Variants in NKD1 observed in about 807,000 individuals in gnomAD.
NKD1 encodes the protein protein naked cuticle homolog 1.
NKD1 carries 21 observed loss-of-function variants against 56.0 expected under a neutral mutation model. That is an observed-to-expected ratio of 0.38 (90% CI 0.27 to 0.54). The LOEUF is 0.54. NKD1 is among the 20% of genes least tolerant of loss of function. The pLI, the probability that NKD1 is intolerant of heterozygous loss-of-function variation, is 0.82. For missense variants in NKD1, 578 were observed against 642.7 expected (o/e 0.90, Z 1.09); for synonymous variants, 263 against 265.7 (o/e 0.99, Z 0.10).
intron 3 of NKD1, among the ~76,000 whole-genome samples, chr16:50,562,761 G>A (rs569157800): frequency 1.3e-5 from 2 of 152,066 alleles, no homozygotes; most frequent in South Asian, 2.1e-4. Context: ...GAGGGATGAG[G>A]GGGGAGGAGG....
chr16:50,590,178 A>T (rs1861316), intron 3 of NKD1, among the ~76,000 whole-genome samples: 10,984 of 152,050 alleles, frequency 0.072, 591 homozygotes, highest in African/African-American at 0.15. Context: ...ACTATAGGTG[A>T]CCTCTCCTGC....
intron 3 of NKD1, among the ~76,000 whole-genome samples, chr16:50,590,951 G>T (rs1034509878): frequency 3.3e-5 from 5 of 152,006 alleles, no homozygotes; most frequent in Non-Finnish European, 7.4e-5. Flanking sequence ...CTGAGTAGCT[G>T]GTAGCTGGGA....
At chr16:50,611,607 C>T (rs771242007) in intron 4 of NKD1, among the ~76,000 whole-genome samples, 5 of 152,202 alleles carry the variant, frequency 3.3e-5, no homozygotes, top group Admixed American at 6.5e-5. Flanking sequence ...AGACTGAGGC[C>T]TGGTGGGGGC....
intron 3 of NKD1, among the ~76,000 whole-genome samples, chr16:50,584,362 TG>T (rs1321324079): frequency 8.5e-5 from 13 of 152,202 alleles, no homozygotes; most frequent in African/African-American, 3.1e-4. Context: ...AGTCTCAGTG[TG>T]GGAGGGCTCC....
chr16:50,586,344 G>A (rs1033372255), intron 3 of NKD1, among the ~76,000 whole-genome samples: 4 of 139,726 alleles, frequency 2.9e-5, no homozygotes, highest in Admixed American at 7.4e-5. Flanking sequence ...TTGAGAAAGC[G>A]TGGATCACTG....
intron 3 of NKD1, among the ~76,000 whole-genome samples, chr16:50,599,742 A>T (rs1014663963): frequency 3.3e-5 from 5 of 152,192 alleles, no homozygotes; most frequent in Admixed American, 2.6e-4. Context: ...TTGTGGTCAG[A>T]CAAACAGCAA....
chr16:50,569,877 G>A (rs149029109), intron 3 of NKD1, among the ~76,000 whole-genome samples: 4 of 152,262 alleles, frequency 2.6e-5, no homozygotes, highest in East Asian at 3.9e-4. Context: ...AGGAAGTCCC[G>A]CATAGGTGGA....
At chr16:50,582,295 G>A (rs1451539331) in intron 3 of NKD1, among the ~76,000 whole-genome samples, 1 of 152,154 alleles carries the variant, frequency 6.6e-6, no homozygotes, top group African/African-American at 2.4e-5. Flanking sequence ...AGTCCCTCAG[G>A]TCTGTGCCTA....
intron 4 of NKD1, among the ~76,000 whole-genome samples, chr16:50,618,947 G>A (rs941512102): frequency 6.6e-6 from 1 of 152,242 alleles, no homozygotes; most frequent in African/African-American, 2.4e-5. Context: ...CAGGCTGTCC[G>A]TGCACGGTGG....
Position 50,640,274 on chromosome 16 carries a change from ACAT to A in NKD1, c.*6497_*6499del, listed in dbSNP as rs1309329864. 6.6e-6 allele frequency: 1 copy of A among 152,206 alleles called. No homozygotes were observed. The highest frequency in any genetic ancestry group is 1.5e-5 in the Non-Finnish European group (1 of 68,048). The allele number at this position is 152,206 out of a possible 1,614,324, so 9.4% of individuals were successfully genotyped here. A position where few individuals can be genotyped will look rare whatever the true frequency, so the allele number is the denominator to read the frequency against. On this transcript the variant is annotated 3_prime_UTR_variant, in exon 10 of 10. Coordinates refer to ENST00000268459, the MANE Select transcript of NKD1 (RefSeq NM_033119.5). ...CCTTCAGGGGCCCTAAGCACTGAAAACATCATTCCTCATCCCCAAGCCCTGGCA... is the reference window on the plus strand; with the variant it reads ...CCTTCAGGGGCCCTAAGCACTGAAAACATTCCTCATCCCCAAGCCCTGGCA...
At chr16:50,585,401 G>A (rs768892900) in intron 3 of NKD1, among the ~76,000 whole-genome samples, 17 of 152,210 alleles carry the variant, frequency 1.1e-4, no homozygotes, top group African/African-American at 4.1e-4. Context: ...GCATGGAGAC[G>A]TGAACCCTGC....
chr16:50,618,319 G>A (rs1281955874), intron 4 of NKD1, among the ~76,000 whole-genome samples: 1 of 152,134 alleles, frequency 6.6e-6, no homozygotes, highest in Non-Finnish European at 1.5e-5. Flanking sequence ...ATCAGAGGCA[G>A]AGAATGGACT....
chr16:50,617,775 G>A (rs1458852411), intron 4 of NKD1, among the ~76,000 whole-genome samples: 1 of 152,212 alleles, frequency 6.6e-6, no homozygotes, highest in African/African-American at 2.4e-5. Context: ...TGGGCAGGTT[G>A]TGTACTGCAC....
rs1990624 is a variant in NKD1, at chr16:50,643,065, C to A, written c.*9284C>A. 90,519 of 152,140 alleles carry A rather than the reference C, an allele frequency of 0.59. 27,827 individuals carry two copies. Among genetic ancestry groups the A allele is most frequent in the Non-Finnish European group, 0.67 (45,450 of 68,038 alleles). 9.4% of individuals were successfully genotyped at this position (152,140 alleles called of 1,614,324 possible). A position where few individuals can be genotyped will look rare whatever the true frequency, so the allele number is the denominator to read the frequency against. ...GGGGATGGGCAGCCTGAAAGCCATG[C>A]CAGCAGTGCCTTCCTTGGGGAAAGA... On this transcript the variant is annotated 3_prime_UTR_variant, in exon 10 of 10. Coordinates refer to ENST00000268459, the MANE Select transcript of NKD1 (RefSeq NM_033119.5).
At chr16:50,559,324 G>C (rs1376638011) in intron 3 of NKD1, among the ~76,000 whole-genome samples, 1 of 152,200 alleles carries the variant, frequency 6.6e-6, no homozygotes, top group Non-Finnish European at 1.5e-5. Flanking sequence ...TGGGGAAGGA[G>C]AATAACGGAG....
intron 5 of NKD1, among the ~76,000 whole-genome samples, chr16:50,624,088 C>T (rs1269164939): frequency 2.0e-5 from 3 of 152,102 alleles, no homozygotes; most frequent in Non-Finnish European, 4.4e-5. Context: ...TAGGCAGGTG[C>T]CTTTCCCTCT....
intron 3 of NKD1, among the ~76,000 whole-genome samples, chr16:50,601,412 G>C (rs1485405220): frequency 6.6e-6 from 1 of 152,234 alleles, no homozygotes; most frequent in Non-Finnish European, 1.5e-5. Flanking sequence ...CCTGCCCCAG[G>C]GTTCACCGAA....
At chr16:50,595,974 G>A (rs529278649) in intron 3 of NKD1, among the ~76,000 whole-genome samples, 28 of 152,346 alleles carry the variant, frequency 1.8e-4, no homozygotes, top group African/African-American at 6.7e-4. Flanking sequence ...GTTGGGATGG[G>A]CAGGAGAGAG....
chr16:50,569,993 A>G (rs73589903), intron 3 of NKD1, among the ~76,000 whole-genome samples: 14,983 of 152,220 alleles, frequency 0.098, 1,349 homozygotes, highest in African/African-American at 0.24. Flanking sequence ...CAGCCACTGA[A>G]CGTTTGAAAT....
Sources: allele counts gnomAD v4.1 joint callset (sites outside exome capture counted in the v4.1 genomes callset), GRCh38; gene constraint gnomAD v4.1.1; transcripts MANE v1.5; gene names NCBI Gene and HGNC (gene_info 2026-07-23, HGNC 2026-07-21).